SERPINB5: variants seen among roughly 807,000 people sequenced by gnomAD.
The protein encoded by SERPINB5 is serpin B5.
A neutral mutation model predicts 32.2 loss-of-function variants in SERPINB5; 27 were observed. The ratio of observed to expected loss-of-function variants is 0.84; its 90% CI spans 0.62 to 1.16. The LOEUF (loss-of-function observed/expected upper bound fraction) is 1.16, where lower values mean the gene tolerates loss of function less well. Ranked by LOEUF, SERPINB5 falls within the 50% of genes most tolerant of loss-of-function variation. The pLI, the probability that SERPINB5 is intolerant of heterozygous loss-of-function variation, is 0.00. For missense variants in SERPINB5, 388 were observed against 436.3 expected (o/e 0.89, Z 0.99); for synonymous variants, 154 against 157.4 (o/e 0.98, Z 0.16).
chr18:63,503,551 C>A lies in SERPINB5; in HGVS notation c.957C>A (p.Ile319=), dbSNP rs181635681. The change falls in exon 7 of 7, where the codon ATC becomes ATA. Residue 319 remains isoleucine, a synonymous_variant. Coordinates refer to ENST00000382771, the MANE Select transcript of SERPINB5 (RefSeq NM_002639.5). ...ETKGVALSNV[I]HKVCLEITED... ...AGGGAGTGGCCCTATCAAATGTTAT[C>A]CACAAAGTGTGCTTAGAAATAACTG... 1 of 1,614,106 alleles carries A rather than the reference C, an allele frequency of 6.2e-7. No homozygotes were observed. The highest frequency in any genetic ancestry group is 8.5e-7 in the Non-Finnish European group (1 of 1,180,038).
chr18:63,491,434 A>G (rs1457239472), intron 4 of SERPINB5, among the ~76,000 whole-genome samples: 1 of 147,786 alleles, frequency 6.8e-6, no homozygotes, highest in Non-Finnish European at 1.5e-5. Flanking sequence ...AAAAAGAATA[A>G]TGGTCTTCAG....
chr18:63,484,634 T>A (rs1488891897), intron 2 of SERPINB5, 38 bp downstream of exon 2: 2 of 1,585,642 alleles, frequency 1.3e-6, no homozygotes, highest in Non-Finnish European at 1.7e-6. Flanking sequence ...TAAGTGGGAA[T>A]ACAGTTATTA....
At chr18:63,494,856 C>T (rs1599392129) in intron 5 of SERPINB5, among the ~76,000 whole-genome samples, 1 of 152,202 alleles carries the variant, frequency 6.6e-6, no homozygotes, top group Admixed American at 6.5e-5. Context: ...TTATTCACCT[C>T]AGTGTCTACA....
chr18:63,497,318 A>T, intron 5 of SERPINB5: 1 of 1,275,744 alleles, frequency 7.8e-7, no homozygotes, highest in Non-Finnish European at 1.1e-6. Flanking sequence ...CTCTTCTCCT[A>T]TGCGATTCTG....
intron 1 of SERPINB5, among the ~76,000 whole-genome samples, chr18:63,479,598 T>TG (rs1458449650): frequency 3.9e-5 from 6 of 152,218 alleles, no homozygotes; most frequent in Admixed American, 6.5e-5. Context: ...GTTTCTAGTA[T>TG]GGGGGGTCTG....
Position 63,492,995 on chromosome 18 carries a change from A to G in SERPINB5, c.467A>G (p.Gln156Arg). 6.2e-7 allele frequency: 1 copy of G among 1,614,214 alleles called. No individual in the cohort carries two copies. Among genetic ancestry groups the G allele is most frequent in the Non-Finnish European group, 8.5e-7 (1 of 1,180,014 alleles). Residue 156 changes from glutamine (Q) to arginine (R), a missense_variant, in exon 5 of 7, where the codon CAG becomes CGG. Coordinates refer to ENST00000382771, the MANE Select transcript of SERPINB5 (RefSeq NM_002639.5). Reference protein sequence around the residue: ...NILADNSVNDQTKILVVNAAY... With the variant: ...NILADNSVNDRTKILVVNAAY... Reference sequence around the variant, plus strand: ...TTAGCTGACAACAGTGTGAACGACCAGACCAAAATCCTTGTGGTTAATGCT... The same window carrying G: ...TTAGCTGACAACAGTGTGAACGACCGGACCAAAATCCTTGTGGTTAATGCT...
Position 63,503,363 on chromosome 18 carries a change from C to G in SERPINB5, c.769C>G (p.Gln257Glu). Residue 257 changes from glutamine to glutamate, a missense_variant, in exon 7 of 7, where the codon CAG becomes GAG. Coordinates refer to ENST00000382771, the MANE Select transcript of SERPINB5 (RefSeq NM_002639.5). ...ACAACTCAACTCAGAGTCACTGTCA[C>G]AGTGGACTAATCCCAGCACCATGGC... ...EKQLNSESLS[Q>E]WTNPSTMANA... The G allele has an allele frequency of 6.2e-7, 1 of 1,614,102 alleles. No individual in the cohort carries two copies. The highest frequency in any genetic ancestry group is 8.5e-7 in the Non-Finnish European group (1 of 1,180,012).
At position 63,503,677 on chromosome 18, in the gene SERPINB5, C is replaced by T. The variant is rs1218800347; in HGVS notation, c.1083C>T (p.Asn361=). ...DHPFIYIIRH[N]KTRNIIFFGK... ...CCTTTATTTACATCATCAGGCACAA[C>T]AAAACTCGAAACATTATTTTCTTTG... The change falls in exon 7 of 7, where the codon AAC becomes AAT. Residue 361 remains asparagine (N), a synonymous_variant. Transcript: ENST00000382771. The T allele has an allele frequency of 3.1e-6, 5 of 1,614,054 alleles. No individual in the cohort carries two copies. Among genetic ancestry groups the T allele is most frequent in the Non-Finnish European group, 3.4e-6 (4 of 1,180,024 alleles).
chr18:63,489,983 G>C lies in SERPINB5; in HGVS notation c.424+519G>C, dbSNP rs187002120. On this transcript the variant is annotated intron_variant, in intron 4 of 6. Coordinates refer to ENST00000382771, the MANE Select transcript of SERPINB5 (RefSeq NM_002639.5). ...CAAGGCGGGCGGATCACGAGGTCAG[G>C]AGATCGAGACCATCCTGGCTAACAC... Among the ~76,000 whole-genome samples, 853 of 152,298 alleles carry C rather than the reference G, an allele frequency of 5.6e-3. 9 individuals are homozygous for C. The highest frequency in any genetic ancestry group is 0.02 in the African/African-American group (821 of 41,556).
At chr18:63,497,499 G>GAAAAAAAAAAAAAAAAA (rs60323388) in intron 5 of SERPINB5, 3 of 217,032 alleles carry the variant, frequency 1.4e-5, no homozygotes, top group African/African-American at 2.5e-5. Flanking sequence ...CAACGTTTCT[G>GAAAAAAAAAAAAAAAAA]AAAAAAAAAA....
chr18:63,479,650 A>T lies in SERPINB5; in HGVS notation c.-8+2605A>T, dbSNP rs1568107172. On this transcript the variant is annotated intron_variant, in intron 1 of 6. Transcript: ENST00000382771. ...CATAGTGACTTGGGTGCTCATCAAA[A>T]CACTTAAAACAGTCATCATACCACT... Among the ~76,000 whole-genome samples, 8 of 152,242 alleles carry T rather than the reference A, an allele frequency of 5.3e-5. No homozygotes were observed. The South Asian group carries it at 1.7e-3, about 32-fold the overall frequency.
At chr18:63,501,191 C>T (rs1401008259) in intron 6 of SERPINB5, among the ~76,000 whole-genome samples, 1 of 119,758 alleles carries the variant, frequency 8.4e-6, no homozygotes, top group Non-Finnish European at 1.7e-5. Flanking sequence ...TATCCCTCCC[C>T]CCTCCCCCCA....
chr18:63,489,522 C>A, intron 4 of SERPINB5, 58 bp downstream of exon 4: 1 of 922,942 alleles, frequency 1.1e-6, no homozygotes, highest in Non-Finnish European at 1.7e-6. Context: ...CCTTCCATCT[C>A]ATAAATGTTT....
At chr18:63,491,896 A>G (rs1909350358) in intron 4 of SERPINB5, among the ~76,000 whole-genome samples, 1 of 152,180 alleles carries the variant, frequency 6.6e-6, no homozygotes, top group South Asian at 2.1e-4. Flanking sequence ...TATATTTAAC[A>G]TATTATATAG....
Position 63,503,630 on chromosome 18 carries a change from G to T in SERPINB5, c.1036G>T (p.Asp346Tyr). 1 of 1,614,208 alleles carries T rather than the reference G, an allele frequency of 6.2e-7. No individual in the cohort carries two copies. Among genetic ancestry groups the T allele is most frequent in the Non-Finnish European group, 8.5e-7 (1 of 1,180,026 alleles). The change falls in exon 7 of 7, where the codon GAT becomes TAT. Residue 346 changes from aspartate to tyrosine, a missense_variant. By Grantham distance (160) the Asp-to-Tyr change is radical (BLOSUM62 -3). Coordinates refer to ENST00000382771, the MANE Select transcript of SERPINB5 (RefSeq NM_002639.5). ...VPGARILQHKDELNADHPFIY... is the reference protein window; with the variant it reads ...VPGARILQHKYELNADHPFIY... ...AGGAGCACGGATCCTGCAGCACAAG[G>T]ATGAATTGAATGCTGACCATCCCTT... is the stretch of plus-strand genomic sequence containing the variant.
At chr18:63,490,205 C>G (rs139025466) in intron 4 of SERPINB5, among the ~76,000 whole-genome samples, 1,680 of 151,784 alleles carry the variant, frequency 0.011, 38 homozygotes, top group African/African-American at 0.039. Flanking sequence ...AAAAGAAAAC[C>G]AAACCAAACA....
chr18:63,484,463 C>A lies in SERPINB5; in HGVS notation c.35C>A (p.Ala12Asp), dbSNP rs142546858. 1 of 1,613,528 alleles carries A rather than the reference C, an allele frequency of 6.2e-7. No homozygotes were observed. Among genetic ancestry groups the A allele is most frequent in the African/African-American group, 1.3e-5 (1 of 74,910 alleles). The change falls in exon 2 of 7, where the codon GCC becomes GAC. Residue 12 changes from alanine to aspartate, a missense_variant. Physicochemically the swap from Ala to Asp is moderately radical, Grantham distance 126. Transcript: ENST00000382771. ...CTGCAACTAGCAAATTCGGCTTTTG[C>A]CGTTGATCTGTTCAAACAACTATGT... ...DALQLANSAFAVDLFKQLCEK... is the reference protein window; with the variant it reads ...DALQLANSAFDVDLFKQLCEK...
chr18:63,490,650 C>T (rs932581449), intron 4 of SERPINB5: 1 of 152,196 alleles, frequency 6.6e-6, no homozygotes, highest in Non-Finnish European at 1.5e-5. Context: ...GAAGTTCTAA[C>T]AGGACAGTAA....
At chr18:63,501,347 T>C (rs1909568101) in intron 6 of SERPINB5, among the ~76,000 whole-genome samples, 1 of 152,116 alleles carries the variant, frequency 6.6e-6, no homozygotes, top group Admixed American at 6.5e-5. Context: ...TCCAGCTTCA[T>C]CCGTGTCCCT....
Sources: allele counts gnomAD v4.1 joint callset (sites outside exome capture counted in the v4.1 genomes callset), GRCh38; gene constraint gnomAD v4.1.1; transcripts MANE v1.5; gene names NCBI Gene and HGNC (gene_info 2026-07-23, HGNC 2026-07-21).